The following IQCK variants were observed in gnomAD, a reference collection of about 807,000 sequenced individuals.
IQCK encodes IQ motif containing K.
Under a neutral mutation model 28.1 loss-of-function variants are expected in IQCK, and 29 were observed. The ratio of observed to expected loss-of-function variants is 1.03; its 90% CI spans 0.77 to 1.41. The LOEUF is 1.41. Ranked by LOEUF, IQCK falls within the 40% of genes most tolerant of loss-of-function variation. The pLI is 0.00. For missense variants in IQCK, 359 were observed against 314.7 expected, an observed-to-expected ratio of 1.14 and a Z score of -1.07; for synonymous variants, 113 against 115.1, an observed-to-expected ratio of 0.98 and a Z score of 0.12.
At chr16:19,780,808 CCTG>C (rs2055471005) in intron 6 of IQCK, among the ~76,000 whole-genome samples, 2 of 152,160 alleles carry the variant, frequency 1.3e-5, no homozygotes, top group African/African-American at 4.8e-5. Context: ...AGTTAATTGG[CCTG>C]CTATTAGCTC....
At chr16:19,812,544 T>C (rs191479827) in intron 7 of IQCK, among the ~76,000 whole-genome samples, 2 of 152,294 alleles carry the variant, frequency 1.3e-5, no homozygotes, top group Admixed American at 1.3e-4. Context: ...AGAGACCATA[T>C]GATGCACAAA....
chr16:19,850,250 T>C (rs2056466442), intron 9 of IQCK, among the ~76,000 whole-genome samples: 1 of 152,172 alleles, frequency 6.6e-6, no homozygotes, highest in Non-Finnish European at 1.5e-5. Context: ...TGTGAGATCT[T>C]GACCCTGTAG....
intron 2 of IQCK, among the ~76,000 whole-genome samples, chr16:19,732,452 G>T (rs1399364419): frequency 1.3e-5 from 2 of 152,098 alleles, no homozygotes; most frequent in Non-Finnish European, 2.9e-5. Context: ...TTTGGGATTG[G>T]GCGGTGGCGG....
chr16:19,830,842 A>C (rs1171181464), downstream of IQCK, among the ~76,000 whole-genome samples: 3 of 152,200 alleles, frequency 2.0e-5, no homozygotes, highest in Non-Finnish European at 4.4e-5. Flanking sequence ...AGATTATAAG[A>C]GATGATGATC....
At chr16:19,779,970 G>C (rs1343890716) in intron 6 of IQCK, among the ~76,000 whole-genome samples, 1 of 150,978 alleles carries the variant, frequency 6.6e-6, no homozygotes, top group African/African-American at 2.4e-5. Flanking sequence ...ACCCGTCTCG[G>C]CCTCCCAAAG....
At chr16:19,823,562 A>G (rs149317032) in intron 7 of IQCK, among the ~76,000 whole-genome samples, 1 of 152,150 alleles carries the variant, frequency 6.6e-6, no homozygotes, top group African/African-American at 2.4e-5. Flanking sequence ...GGCATGTGGC[A>G]TGTGACTGCC....
intron 7 of IQCK, 127 bp from the exon 8 acceptor site, chr16:19,826,899 G>T: frequency 1.5e-6 from 1 of 680,254 alleles, no homozygotes; most frequent in East Asian, 2.5e-5. Flanking sequence ...AATTCATTTA[G>T]GACGATGATT....
intron 6 of IQCK, chr16:19,765,827 G>A (rs2055226307): frequency 6.6e-6 from 1 of 151,896 alleles, no homozygotes; most frequent in South Asian, 2.1e-4. Flanking sequence ...TCTAAGACAA[G>A]CTTCTTTGAG....
intron 7 of IQCK, among the ~76,000 whole-genome samples, chr16:19,824,151 A>G (rs1398941025): frequency 6.6e-6 from 1 of 151,970 alleles, no homozygotes; most frequent in African/African-American, 2.4e-5. Context: ...TAATTATACA[A>G]CTCACCATCA....
chr16:19,729,981 C>T (rs775051710), intron 1 of IQCK, among the ~76,000 whole-genome samples: 6 of 149,902 alleles, frequency 4.0e-5, no homozygotes, highest in Admixed American at 6.7e-5. Context: ...TAGATAGTCT[C>T]GCTCTTGTCT....
At chr16:19,718,509 AGAGGGGCGGGACCCGGGCGGCC>A (rs752191038) in intron 1 of IQCK, 22 bp downstream of exon 1, 3 of 1,571,384 alleles carry the variant, frequency 1.9e-6, no homozygotes, top group Non-Finnish European at 2.6e-6. Flanking sequence ...GGGCTGGCCG[AGAGGGGCGGGACCCGGGCGGCC>A]GGACGGGGGC....
At chr16:19,811,161 G>A (rs1018858659) in intron 7 of IQCK, among the ~76,000 whole-genome samples, 3 of 152,002 alleles carry the variant, frequency 2.0e-5, no homozygotes, top group African/African-American at 7.2e-5. Flanking sequence ...GTGCATGCCC[G>A]TGGTCCCAGC....
intron 7 of IQCK, among the ~76,000 whole-genome samples, chr16:19,790,465 CA>C (rs1346288971): frequency 9.0e-6 from 1 of 110,608 alleles, no homozygotes; most frequent in Non-Finnish European, 1.6e-5. Context: ...TCAGCAGTGG[CA>C]AACACTGCCA....
chr16:19,739,920 G>C (rs2054808519), intron 4 of IQCK, among the ~76,000 whole-genome samples: 1 of 152,172 alleles, frequency 6.6e-6, no homozygotes, highest in African/African-American at 2.4e-5. Flanking sequence ...TTCTGAACCA[G>C]ATCTTCTTTT....
Position 19,730,709 on chromosome 16 carries a change from TTGTC to T in IQCK, c.246+221_246+224del, listed in dbSNP as rs985532819. ...CCTCTTTGAGCATTAGTTTCGGCGTTTGTCTGTCTATCTATCTGTCTGTCTGTCT... is the reference window on the plus strand; with the variant it reads ...CCTCTTTGAGCATTAGTTTCGGCGTTTGTCTATCTATCTGTCTGTCTGTCT... On this transcript the variant is annotated intron_variant, in intron 2 of 7. Transcript: ENST00000564186. 3.5e-4 allele frequency among the ~76,000 whole-genome samples: 49 copies of T among 138,044 alleles called. No individual in the cohort carries two copies. In the Middle Eastern group the frequency reaches 0.01, roughly 29 times the overall value. The allele number at this position is 138,044 out of a possible 152,430, so 90.6% of individuals were successfully genotyped here.
chr16:19,761,477 C>T (rs551541928), intron 4 of IQCK: 9 of 451,060 alleles, frequency 2.0e-5, no homozygotes, highest in African/African-American at 1.8e-4. Context: ...TTCCAGGACA[C>T]TTTGTAGCAT....
intron 7 of IQCK, among the ~76,000 whole-genome samples, chr16:19,805,247 C>T (rs1427424898): frequency 2.0e-5 from 3 of 152,120 alleles, no homozygotes; most frequent in East Asian, 3.9e-4. Flanking sequence ...AGAGAATGGC[C>T]AGCAGCTTGG....
intron 4 of IQCK, among the ~76,000 whole-genome samples, chr16:19,739,810 G>A (rs1481717726): frequency 6.6e-6 from 1 of 151,244 alleles, no homozygotes; most frequent in Non-Finnish European, 1.5e-5. Context: ...GTGAGACCCT[G>A]TCTCAAAAAA....
At chr16:19,748,542 T>C (rs1032738369) in intron 4 of IQCK, among the ~76,000 whole-genome samples, 4 of 152,170 alleles carry the variant, frequency 2.6e-5, no homozygotes, top group African/African-American at 9.7e-5. Flanking sequence ...GTGTCTGGCA[T>C]ATAGACAGCA....
Sources: gnomAD v4.1 joint callset for allele counts (sites outside exome capture counted in the v4.1 genomes callset) on GRCh38, gnomAD v4.1.1 for gene constraint, MANE v1.5 for transcripts, NCBI Gene and HGNC (gene_info 2026-07-23, HGNC 2026-07-21) for gene names.